PTGDR: variants seen among roughly 807,000 people sequenced by gnomAD.
The protein encoded by PTGDR is prostaglandin D2 receptor, also known as PGD2 receptor.
PTGDR carries 19 observed loss-of-function variants against 17.4 expected under a neutral mutation model. The ratio of observed to expected loss-of-function variants is 1.09; its 90% CI spans 0.76 to 1.60. The LOEUF (loss-of-function observed/expected upper bound fraction) is 1.60. Among genes scored for constraint, PTGDR ranks in the 40% most tolerant of loss-of-function variants. PTGDR has a pLI of 0.00. For synonymous variants in PTGDR, 267 were observed against 224.2 expected (o/e 1.19, Z -1.71); for missense variants, 526 against 481.9 (o/e 1.09, Z -0.86).
At chr14:52,270,041 GGAGT>G in intron 1 of PTGDR, among the ~76,000 whole-genome samples, 1 of 152,234 alleles carries the variant, frequency 6.6e-6, no homozygotes, top group South Asian at 2.1e-4. Flanking sequence ...CTCTAAAACA[GGAGT>G]TAGCAAACCA....
chr14:52,270,270 G>A (rs1221157503), intron 1 of PTGDR, among the ~76,000 whole-genome samples: 2 of 152,124 alleles, frequency 1.3e-5, no homozygotes, highest in Non-Finnish European at 2.9e-5. Flanking sequence ...GTACTCAGCC[G>A]GGAGCGGTGA....
At chr14:52,273,616 A>G (rs2033363322) in intron 1 of PTGDR, among the ~76,000 whole-genome samples, 1 of 152,152 alleles carries the variant, frequency 6.6e-6, no homozygotes, top group Non-Finnish European at 1.5e-5. Flanking sequence ...AATGCACTAG[A>G]TTGGAGTGGC....
Position 52,267,991 on chromosome 14 carries a change from G to T in PTGDR, c.177G>T (p.Ser59=), listed in dbSNP as rs1447995413. The T allele has an allele frequency of 3.1e-6, 5 of 1,609,622 alleles. No homozygotes were observed. The East Asian group carries it at 6.7e-5, about 22-fold the overall frequency. ...GGCGTCCACTGCGCCCGCTGCCCTC[G>T]GTCTTCTACATGCTGGTGTGTGGCC... ...CSRRPLRPLP[S]VFYMLVCGLT... Residue 59 remains serine (S), a synonymous_variant, in exon 1 of 2, where the codon TCG becomes TCT. Transcript: ENST00000306051.
rs1436515776 is a variant in PTGDR, at chr14:52,275,323, A to C, written c.*359A>C. On this transcript the variant is annotated 3_prime_UTR_variant, in exon 2 of 2. Transcript: ENST00000306051. ...GAGACATACAGGTCTTTTAAAATACAGTAGAAACACCACTGTTTACGATTA... is the reference window on the plus strand; with the variant it reads ...GAGACATACAGGTCTTTTAAAATACCGTAGAAACACCACTGTTTACGATTA... 1 of 185,188 alleles carries C rather than the reference A, an allele frequency of 5.4e-6. No individual in the cohort carries two copies. The highest frequency in any genetic ancestry group is 1.1e-5 in the Non-Finnish European group (1 of 88,178). The allele number at this position is 185,188 out of a possible 1,614,324, so 11.5% of individuals were successfully genotyped here.
chr14:52,273,801 A>G (rs1395638923), intron 1 of PTGDR, among the ~76,000 whole-genome samples: 1 of 152,228 alleles, frequency 6.6e-6, no homozygotes, highest in Non-Finnish European at 1.5e-5. Flanking sequence ...ATTAGAGTCC[A>G]TTTATCCTAA....
intron 1 of PTGDR, among the ~76,000 whole-genome samples, chr14:52,270,202 A>G (rs184772639): frequency 6.6e-6 from 1 of 152,348 alleles, no homozygotes; most frequent in Admixed American, 6.5e-5. Context: ...CAAGAAAAAT[A>G]CTGTTCCAAG....
downstream of PTGDR, among the ~76,000 whole-genome samples, chr14:52,278,704 C>T (rs1436151605): frequency 6.6e-6 from 1 of 152,126 alleles, no homozygotes; most frequent in Non-Finnish European, 1.5e-5. Context: ...TCACTGATAG[C>T]AGTGATGAGA....
chr14:52,274,157 T>A (rs1315106218), intron 1 of PTGDR, among the ~76,000 whole-genome samples: 2 of 151,450 alleles, frequency 1.3e-5, no homozygotes, highest in Non-Finnish European at 3.0e-5. Flanking sequence ...AGTTGAACAG[T>A]ATTTTTTTCC....
chr14:52,271,304 C>T (rs998981870), intron 1 of PTGDR, among the ~76,000 whole-genome samples: 2 of 152,108 alleles, frequency 1.3e-5, no homozygotes, highest in African/African-American at 4.8e-5. Flanking sequence ...GAACGATTAT[C>T]GTCCCAGGAG....
rs369213622 is a variant in PTGDR, at chr14:52,274,840, AC to A, written c.959del (p.Pro320LeufsTer50). On this transcript the variant is annotated frameshift_variant, in exon 2 of 2. Coordinates refer to ENST00000306051, the MANE Select transcript of PTGDR (RefSeq NM_000953.3). LOFTEE classifies it high-confidence loss of function. ...LRFLSVISIV[D>X]PWIFIIFRSP... is the part of the protein sequence containing the mutation. ...TTTCTATCTGTGATTTCAATTGTGG[AC>A]CCTTGGATTTTTATCATTTTCAGAT... 1 of 1,611,008 alleles carries A rather than the reference AC, an allele frequency of 6.2e-7. No homozygotes were observed. The highest frequency in any genetic ancestry group is 8.5e-7 in the Non-Finnish European group (1 of 1,177,294).
At chr14:52,270,538 A>T (rs2033305618) in intron 1 of PTGDR, among the ~76,000 whole-genome samples, 1 of 152,070 alleles carries the variant, frequency 6.6e-6, no homozygotes, top group African/African-American at 2.4e-5. Context: ...GCAAGACTCC[A>T]TCTAAAAAAA....
At chr14:52,280,426 C>A (rs1267270784), downstream of PTGDR, among the ~76,000 whole-genome samples, 1 of 152,188 alleles carries the variant, frequency 6.6e-6, no homozygotes, top group African/African-American at 2.4e-5. Flanking sequence ...AAGCTGGGAA[C>A]TGGGTCACGC....
intron 1 of PTGDR, among the ~76,000 whole-genome samples, chr14:52,271,997 T>G (rs2033330587): frequency 6.6e-6 from 1 of 152,218 alleles, no homozygotes; most frequent in Non-Finnish European, 1.5e-5. Context: ...TGCCCCTTTC[T>G]CCTCAAAGTG....
At chr14:52,270,055 A>C (rs143832387) in intron 1 of PTGDR, among the ~76,000 whole-genome samples, 117 of 152,340 alleles carry the variant, frequency 7.7e-4, no homozygotes, top group Middle Eastern at 3.4e-3. Flanking sequence ...TTAGCAAACC[A>C]CAGCTCACAG....
chr14:52,277,598 A>C (rs987268089), downstream of PTGDR, among the ~76,000 whole-genome samples: 22 of 152,222 alleles, frequency 1.4e-4, no homozygotes, highest in Non-Finnish European at 2.2e-4. Flanking sequence ...GCAACCCAAC[A>C]GTGTATCAAG....
downstream of PTGDR, among the ~76,000 whole-genome samples, chr14:52,277,234 G>A (rs371148764): frequency 2.6e-5 from 4 of 152,200 alleles, no homozygotes; most frequent in Admixed American, 6.5e-5. Flanking sequence ...TTGCGAGTAC[G>A]CATTTACTAT....
downstream of PTGDR, among the ~76,000 whole-genome samples, chr14:52,280,443 G>A (rs2033474600): frequency 6.6e-6 from 1 of 152,134 alleles, no homozygotes; most frequent in African/African-American, 2.4e-5. Flanking sequence ...ACGCCAACCT[G>A]CATCTCATTT....
At chr14:52,272,383 C>T (rs2033337570) in intron 1 of PTGDR, among the ~76,000 whole-genome samples, 4 of 151,748 alleles carry the variant, frequency 2.6e-5, no homozygotes, top group Admixed American at 1.3e-4. Context: ...GGGAGGATTG[C>T]TTGGGCCCAG....
At chr14:52,280,263 TTTAG>T (rs2033472935), downstream of PTGDR, among the ~76,000 whole-genome samples, 1 of 152,056 alleles carries the variant, frequency 6.6e-6, no homozygotes, top group Non-Finnish European at 1.5e-5. Context: ...TCATAATGAA[TTTAG>T]AAAATACTTT....
Sources: allele counts gnomAD v4.1 joint callset (sites outside exome capture counted in the v4.1 genomes callset), GRCh38; gene constraint gnomAD v4.1.1; transcripts MANE v1.5; gene names NCBI Gene and HGNC (gene_info 2026-07-23, HGNC 2026-07-21).